CAST: variants seen among roughly 807,000 people sequenced by gnomAD.
The protein encoded by CAST is calpastatin.
A neutral mutation model predicts 119.6 loss-of-function variants in CAST; 76 were observed. The ratio of observed to expected loss-of-function variants is 0.64; its 90% CI spans 0.53 to 0.77. CAST has a LOEUF of 0.77. CAST is among the 30% of genes least tolerant of loss of function. CAST has a pLI of 0.00. For missense variants in CAST, 953 were observed against 946.5 expected, an observed-to-expected ratio of 1.01 and a Z score of -0.09; for synonymous variants, 319 against 331.6, an observed-to-expected ratio of 0.96 and a Z score of 0.41.
the CAST span, among the ~76,000 whole-genome samples, chr5:96,376,339 T>A: frequency 1.3e-5 from 2 of 152,264 alleles, no homozygotes; most frequent in South Asian, 2.1e-4. Context: ...GTATAGCACA[T>A]ATAATTATGT....
the CAST span, among the ~76,000 whole-genome samples, chr5:96,268,715 C>A: frequency 6.6e-6 from 1 of 152,074 alleles, no homozygotes; most frequent in Non-Finnish European, 1.5e-5. Context: ...CACATATAGA[C>A]TTAAAGTGAA....
chr5:96,342,838 T>G, the CAST span, among the ~76,000 whole-genome samples: 1 of 152,172 alleles, frequency 6.6e-6, no homozygotes, highest in East Asian at 1.9e-4. Flanking sequence ...GGAATCCTGT[T>G]GTACTTGTTC....
the CAST span, chr5:96,410,949 G>A: frequency 8.7e-6 from 14 of 1,613,882 alleles, no homozygotes; most frequent in Admixed American, 1.7e-5. Context: ...CCCGTTTCCC[G>A]AAGCCCAGAC....
the CAST span, among the ~76,000 whole-genome samples, chr5:96,465,934 C>A: frequency 3.9e-5 from 6 of 151,958 alleles, no homozygotes; most frequent in Admixed American, 6.6e-5. Flanking sequence ...TGTGTATATC[C>A]GTGACTTGAG....
chr5:96,136,573 T>C, the CAST span, among the ~76,000 whole-genome samples: 1 of 152,212 alleles, frequency 6.6e-6, no homozygotes, highest in African/African-American at 2.4e-5. Flanking sequence ...CAAGGCCACC[T>C]CAGCTGATAA....
the CAST span, among the ~76,000 whole-genome samples, chr5:96,098,576 G>A: frequency 6.6e-6 from 1 of 152,166 alleles, no homozygotes; most frequent in Non-Finnish European, 1.5e-5. Flanking sequence ...TTATTGGATA[G>A]GGAATCCTTT....
the CAST span, among the ~76,000 whole-genome samples, chr5:96,135,171 C>T: frequency 7.2e-5 from 11 of 152,050 alleles, no homozygotes; most frequent in South Asian, 2.1e-4. Flanking sequence ...TGGAAACCCA[C>T]GGGATGACTT....
the CAST span, chr5:96,390,267 A>G: frequency 1.3e-5 from 2 of 152,260 alleles, no homozygotes; most frequent in East Asian, 1.9e-4. Flanking sequence ...TAACTCCTTA[A>G]TGTAAACTGT....
At chr5:96,034,789 C>G in the CAST span, among the ~76,000 whole-genome samples, 2 of 150,970 alleles carry the variant, frequency 1.3e-5, no homozygotes, top group African/African-American at 4.9e-5. Context: ...CACCCCGACC[C>G]CTGATAACCA....
the CAST span, among the ~76,000 whole-genome samples, chr5:96,119,698 A>ATCT: frequency 6.6e-6 from 1 of 152,226 alleles, no homozygotes; most frequent in Non-Finnish European, 1.5e-5. Context: ...TTATAGTCAG[A>ATCT]ATGTCACAAG....
At chr5:96,115,701 T>A in the CAST span, among the ~76,000 whole-genome samples, 1 of 152,222 alleles carries the variant, frequency 6.6e-6, no homozygotes, top group Non-Finnish European at 1.5e-5. Context: ...GTTCTGAAGG[T>A]GACTAAGGAG....
chr5:96,586,973 A>G (rs557411856), intron 1 of CAST, among the ~76,000 whole-genome samples: 1 of 152,328 alleles, frequency 6.6e-6, no homozygotes, highest in East Asian at 1.9e-4. Flanking sequence ...TAAGTAACAT[A>G]CTCAAGATCA....
the CAST span, among the ~76,000 whole-genome samples, chr5:96,425,086 A>G: frequency 6.6e-6 from 1 of 151,680 alleles, no homozygotes; most frequent in African/African-American, 2.4e-5. Flanking sequence ...ACGTAGGGTC[A>G]AGAGAAACTG....
chr5:96,673,808 T>C (rs1212532923), intron 1 of CAST, among the ~76,000 whole-genome samples: 2 of 152,224 alleles, frequency 1.3e-5, no homozygotes, highest in Non-Finnish European at 2.9e-5. Context: ...TTTAAAAGAT[T>C]CATTTAATTA....
the CAST span, among the ~76,000 whole-genome samples, chr5:96,136,293 A>C: frequency 6.6e-6 from 1 of 152,152 alleles, no homozygotes; most frequent in Non-Finnish European, 1.5e-5. Flanking sequence ...AACTAGAAGA[A>C]ATTTTTTCAG....
chr5:96,194,834 C>T, the CAST span, among the ~76,000 whole-genome samples: 7 of 152,202 alleles, frequency 4.6e-5, no homozygotes, highest in African/African-American at 9.7e-5. Context: ...GTACATGCCA[C>T]TCCATTGCTG....
chr5:95,978,604 A>C, the CAST span, among the ~76,000 whole-genome samples: 1 of 151,378 alleles, frequency 6.6e-6, no homozygotes, highest in African/African-American at 2.4e-5. Flanking sequence ...TTGTCTGTTT[A>C]CTCTATTGAT....
chr5:96,753,733 G>A (rs1007646903), intron 20 of CAST, among the ~76,000 whole-genome samples: 11 of 152,146 alleles, frequency 7.2e-5, no homozygotes, highest in South Asian at 2.1e-4. Context: ...TAAAGACCAC[G>A]TCTTTCTTTT....
chr5:96,613,662 G>A lies in CAST; in HGVS notation c.61-61877G>A, dbSNP rs532577447. Among the ~76,000 whole-genome samples, 4 of 152,234 alleles carry A rather than the reference G, an allele frequency of 2.6e-5. No homozygotes were observed. In the East Asian group the frequency reaches 7.7e-4, roughly 29 times the overall value. ...CTGTCTTCTGATGATTGTCTTTAAA[G>A]CATTTTTAAATGAAACAACTTAAGG... On this transcript the variant is annotated intron_variant, in intron 1 of 11. Coordinates refer to the CAST transcript ENST00000505143.
Sources: allele counts gnomAD v4.1 joint callset (sites outside exome capture counted in the v4.1 genomes callset), GRCh38; gene constraint gnomAD v4.1.1; transcripts MANE v1.5; gene names NCBI Gene and HGNC (gene_info 2026-07-23, HGNC 2026-07-21).